PIEZO2: variants seen among roughly 807,000 people sequenced by gnomAD.
PIEZO2 encodes the protein piezo-type mechanosensitive ion channel component 2.
A neutral mutation model predicts 337.3 loss-of-function variants in PIEZO2; 172 were observed. The observed-to-expected ratio is 0.51, with a 90% confidence interval of 0.45 to 0.58. The LOEUF (loss-of-function observed/expected upper bound fraction) is 0.58, where lower values mean the gene tolerates loss of function less well. Among genes scored for constraint, PIEZO2 ranks in the 20% least tolerant of loss-of-function variants. The probability of loss-of-function intolerance (pLI) is 0.00; values close to 1 mark genes in which losing one functional copy is unlikely to be tolerated. For synonymous variants in PIEZO2, 1,251 were observed against 1,228.5 expected (o/e 1.02, Z -0.38); for missense variants, 3,028 against 3,391.3 (o/e 0.89, Z 2.66).
At position 11,119,496 on chromosome 18, in the gene PIEZO2, A is replaced by T. The variant is rs535784792; in HGVS notation, c.64+29029T>A. ...TTATGGCTTAATTAAAACATCATCA[A>T]TTGATAACTGCCCTTGCCTAATTAT... On this transcript the variant is annotated intron_variant, in intron 1 of 55. Transcript: ENST00000674853. Among the ~76,000 whole-genome samples the T allele has an allele frequency of 1.4e-4, 21 of 152,302 alleles. No individual in the cohort carries two copies. The South Asian group carries it at 4.3e-3, about 32-fold the overall frequency.
intron 53 of PIEZO2, among the ~76,000 whole-genome samples, chr18:10,675,785 G>A (rs2033972634): frequency 6.6e-6 from 1 of 152,180 alleles, no homozygotes; most frequent in South Asian, 2.1e-4. Context: ...ATAATTGGAT[G>A]ATGGGGGCAG....
At chr18:10,679,497 A>T (rs554172639) in intron 52 of PIEZO2, among the ~76,000 whole-genome samples, 3 of 150,678 alleles carry the variant, frequency 2.0e-5, no homozygotes, top group African/African-American at 4.9e-5. Context: ...TACATTCAAA[A>T]TTTTTTTTGC....
At chr18:10,730,883 C>G (rs1268740282) in intron 36 of PIEZO2, among the ~76,000 whole-genome samples, 1 of 152,020 alleles carries the variant, frequency 6.6e-6, no homozygotes, top group South Asian at 2.1e-4. Context: ...TCCGCTACCA[C>G]GCCGGGCTAA....
At chr18:10,705,248 A>T in intron 41 of PIEZO2, 88 bp downstream of exon 41, 1 of 1,404,510 alleles carries the variant, frequency 7.1e-7, no homozygotes, top group South Asian at 1.5e-5. Flanking sequence ...TTTTTTCTAT[A>T]TATGAATTTT....
chr18:10,831,173 A>C (rs1395058598), intron 7 of PIEZO2, among the ~76,000 whole-genome samples: 1 of 152,190 alleles, frequency 6.6e-6, no homozygotes, highest in Non-Finnish European at 1.5e-5. Flanking sequence ...TCCCACTCCT[A>C]GGTATATATC....
chr18:11,062,485 G>A (rs1402915487), intron 2 of PIEZO2, among the ~76,000 whole-genome samples: 2 of 152,082 alleles, frequency 1.3e-5, no homozygotes, highest in Non-Finnish European at 2.9e-5. Flanking sequence ...CTACAAAATG[G>A]GAGAAAATTT....
rs189406154 is a variant in PIEZO2, at chr18:10,830,246, A to T, written c.918-22972T>A. ...GGAAAACTGGATATCCATACGCAGA[A>T]GATTAACACTAGACCCCTATCTCTC... On this transcript the variant is annotated intron_variant, in intron 7 of 55. Coordinates refer to ENST00000674853, the MANE Select transcript of PIEZO2 (RefSeq NM_001378183.1). The surrounding 1 kb of genome is among the most constrained non-coding windows in gnomAD (Gnocchi z 4.7). Among the ~76,000 whole-genome samples the T allele has an allele frequency of 6.6e-6, 1 of 152,338 alleles. No homozygotes were observed. The highest frequency in any genetic ancestry group is 1.9e-4 in the East Asian group (1 of 5,186).
At chr18:11,051,366 TGTGGGTGTGG>T (rs1327574441) in intron 2 of PIEZO2, among the ~76,000 whole-genome samples, 122 of 150,108 alleles carry the variant, frequency 8.1e-4, no homozygotes, top group Middle Eastern at 3.4e-3. Flanking sequence ...TGTGTGTGTG[TGTGGGTGTGG>T]GTGTGGGTGT....
At position 10,681,690 on chromosome 18, in the gene PIEZO2, T is replaced by C; in HGVS notation, c.7750A>G (p.Lys2584Glu). Residue 2584 changes from lysine (K) to glutamate (E), a missense_variant, in exon 51 of 56, where the codon AAA (lysine) becomes GAA (glutamate). By Grantham distance (56) the Lys-to-Glu change is moderately conservative. Transcript: ENST00000674853. ...TCCCTAGAAAAAGCTTGTATAAATT[T>C]GTTAAAGCTCTGCTGGTCCATAACT... The part of the protein sequence containing the change: ...LKVMDQQSFN[K>E]FIQAFSRDTG... The C allele has an allele frequency of 6.2e-7, 1 of 1,608,966 alleles. No individual in the cohort carries two copies. Among genetic ancestry groups the C allele is most frequent in the Non-Finnish European group, 8.5e-7 (1 of 1,175,350 alleles).
intron 2 of PIEZO2, among the ~76,000 whole-genome samples, chr18:11,012,353 T>A (rs2035936764): frequency 6.6e-6 from 1 of 152,220 alleles, no homozygotes; most frequent in African/African-American, 2.4e-5. Context: ...ACTGATAATC[T>A]AAGTTCCAAG....
At position 10,724,919 on chromosome 18, in the gene PIEZO2, C is replaced by A. The variant is rs1015499181; in HGVS notation, c.5029+6488G>T. 1.1e-5 allele frequency: 17 copies of A among 1,607,812 alleles called. No individual in the cohort carries two copies. The highest frequency in any genetic ancestry group is 1.4e-5 in the Non-Finnish European group (16 of 1,177,120). On this transcript the variant is annotated intron_variant, in intron 36 of 55. Coordinates refer to ENST00000674853, the MANE Select transcript of PIEZO2 (RefSeq NM_001378183.1). The surrounding 1 kb of genome is among the most constrained non-coding windows in gnomAD (Gnocchi z 5.8). ...GGGCGTGGCACCCTGGGACAGCCTC[C>A]ACCTGGACGGCGATGGAACCCAGGT...
intron 3 of PIEZO2, among the ~76,000 whole-genome samples, chr18:10,933,763 AAGGTCAGGGCC>A: frequency 6.6e-6 from 1 of 152,284 alleles, no homozygotes; most frequent in Admixed American, 6.6e-5. Context: ...CCCACATGTC[AAGGTCAGGGCC>A]AGGTGGAGAT....
Position 10,752,874 on chromosome 18 carries a change from T to A in PIEZO2, c.3929A>T (p.Tyr1310Phe), listed in dbSNP as rs1288015905. 1 of 1,529,134 alleles carries A rather than the reference T, an allele frequency of 6.5e-7. No individual in the cohort carries two copies. Among genetic ancestry groups the A allele is most frequent in the Non-Finnish European group, 8.8e-7 (1 of 1,141,388 alleles). 94.7% of individuals were successfully genotyped at this position (1,529,134 alleles called of 1,614,324 possible). Reference protein sequence around the residue: ...PVPDFIHCRSYLDMSKVIIFS... With the variant: ...PVPDFIHCRSFLDMSKVIIFS... ...GATGATCACTTTGGACATGTCTAAG[T>A]AAGATCTGGAAAACAAAGCCAGTGA... The change falls in exon 28 of 56, where the codon TAC becomes TTC. Residue 1310 changes from tyrosine (Y) to phenylalanine (F), a missense_variant. Tyr to Phe is a conservative substitution (Grantham distance 22, BLOSUM62 3). This residue lies in a region of PIEZO2 where 1,925 missense variants were observed against 2,051.9 expected (regional missense o/e 0.94). Coordinates refer to ENST00000674853, the MANE Select transcript of PIEZO2 (RefSeq NM_001378183.1).
At chr18:11,106,334 G>A (rs1295891773) in intron 1 of PIEZO2, among the ~76,000 whole-genome samples, 2 of 149,262 alleles carry the variant, frequency 1.3e-5, no homozygotes, top group African/African-American at 2.5e-5. Context: ...TCCTGACCTC[G>A]TGATCCGCCT....
intron 15 of PIEZO2, among the ~76,000 whole-genome samples, chr18:10,787,538 T>C (rs2039266643): frequency 6.6e-6 from 1 of 152,320 alleles, no homozygotes; most frequent in South Asian, 2.1e-4. Flanking sequence ...GCTGCTGTCA[T>C]TGTGGTTATC....
chr18:11,008,021 G>A (rs1275807277), intron 2 of PIEZO2, among the ~76,000 whole-genome samples: 1 of 152,094 alleles, frequency 6.6e-6, no homozygotes, highest in Admixed American at 6.6e-5. Context: ...CCTTCAAAGG[G>A]CACATCTTTC....
chr18:10,841,708 A>G (rs561892416), intron 7 of PIEZO2, among the ~76,000 whole-genome samples: 148 of 152,352 alleles, frequency 9.7e-4, no homozygotes, highest in African/African-American at 3.3e-3. Context: ...GAAATGAAAG[A>G]AAGCTAGATG....
intron 36 of PIEZO2, among the ~76,000 whole-genome samples, chr18:10,719,793 TTTTA>T (rs1215147433): frequency 2.0e-5 from 3 of 152,186 alleles, no homozygotes; most frequent in African/African-American, 7.2e-5. Context: ...GAGGTTTTAA[TTTTA>T]TTTATTTGGG....
chr18:10,677,687 C>A lies in PIEZO2; in HGVS notation c.8081+60G>T. Reference sequence around the variant, plus strand: ...TCATACACATGAATCTGTAGATGGACATTTTGTACCAGCTGCATATACCTA... The same window carrying A: ...TCATACACATGAATCTGTAGATGGAAATTTTGTACCAGCTGCATATACCTA... On this transcript the variant is annotated intron_variant, in intron 53 of 55. Transcript: ENST00000674853. The surrounding 1 kb of genome is among the most constrained non-coding windows in gnomAD (Gnocchi z 4.1). The A allele has an allele frequency of 3.2e-6, 5 of 1,552,006 alleles. No individual in the cohort carries two copies. The highest frequency in any genetic ancestry group is 1.2e-5 in the South Asian group (1 of 83,068).
Sources: allele counts gnomAD v4.1 joint callset (sites outside exome capture counted in the v4.1 genomes callset), GRCh38; gene constraint gnomAD v4.1.1; regional missense constraint gnomAD v4.1.1; non-coding constraint Gnocchi (gnomAD v3.1); transcripts MANE v1.5; gene names NCBI Gene and HGNC (gene_info 2026-07-23, HGNC 2026-07-21).